FGF14: variants seen among roughly 807,000 people sequenced by gnomAD.
The protein encoded by FGF14 is fibroblast growth factor 14.
In FGF14, 5 loss-of-function variants were observed where a neutral mutation model predicts 25.5. That is an observed-to-expected ratio of 0.20 (90% CI 0.10 to 0.41). FGF14 has a LOEUF of 0.41. FGF14 is among the 10% of genes least tolerant of loss of function. The pLI, the probability that FGF14 is intolerant of heterozygous loss-of-function variation, is 1.00. For synonymous variants in FGF14, 138 were observed against 118.3 expected, an observed-to-expected ratio of 1.17 and a Z score of -1.08; for missense variants, 222 against 320.1, an observed-to-expected ratio of 0.69 and a Z score of 2.34.
intron 3 of FGF14, among the ~76,000 whole-genome samples, chr13:101,846,341 T>C (rs2043459053): frequency 6.6e-6 from 1 of 151,782 alleles, no homozygotes; most frequent in Non-Finnish European, 1.5e-5. Flanking sequence ...TTTATGAAAC[T>C]CAGAAAACCA....
At chr13:102,060,791 G>T (rs1439104502) in intron 1 of FGF14, among the ~76,000 whole-genome samples, 3 of 152,122 alleles carry the variant, frequency 2.0e-5, no homozygotes, top group African/African-American at 7.2e-5. Context: ...CCTAAGTGAG[G>T]ACAAGCACCC....
chr13:102,030,773 C>G (rs2041170159), intron 1 of FGF14, among the ~76,000 whole-genome samples: 1 of 152,058 alleles, frequency 6.6e-6, no homozygotes, highest in Non-Finnish European at 1.5e-5. Context: ...ACAAACCTCC[C>G]TCCAGCTTTC....
intron 1 of FGF14, among the ~76,000 whole-genome samples, chr13:101,958,127 C>T (rs2036621160): frequency 6.6e-6 from 1 of 152,184 alleles, no homozygotes; most frequent in Non-Finnish European, 1.5e-5. Context: ...TGCCTTCCTC[C>T]TACTCAGCTT....
At chr13:101,977,983 A>T (rs1053559966) in intron 1 of FGF14, among the ~76,000 whole-genome samples, 2 of 152,202 alleles carry the variant, frequency 1.3e-5, no homozygotes, top group Admixed American at 6.5e-5. Flanking sequence ...CCAACAGGAA[A>T]GAAAATGCTA....
At chr13:101,934,990 G>T (rs1234850354) in intron 1 of FGF14, among the ~76,000 whole-genome samples, 2 of 152,022 alleles carry the variant, frequency 1.3e-5, no homozygotes, top group African/African-American at 4.8e-5. Context: ...TATTGTATTG[G>T]CTCCTAGAAC....
intron 1 of FGF14, among the ~76,000 whole-genome samples, chr13:102,078,901 C>T (rs2043490112): frequency 1.3e-5 from 2 of 152,174 alleles, no homozygotes; most frequent in African/African-American, 4.8e-5. Flanking sequence ...CAAGGTTGAA[C>T]TCTGAGAAAC....
At chr13:102,120,630 G>T (rs2045676575) in intron 1 of FGF14, among the ~76,000 whole-genome samples, 1 of 152,186 alleles carries the variant, frequency 6.6e-6, no homozygotes, top group South Asian at 2.1e-4. Context: ...CCAAAAAAAT[G>T]GTCCACAACC....
intron 1 of FGF14, among the ~76,000 whole-genome samples, chr13:102,303,413 A>G (rs1432456733): frequency 6.6e-6 from 1 of 152,170 alleles, no homozygotes; most frequent in East Asian, 1.9e-4. Context: ...GGATTTGATC[A>G]TTTTTTTCAG....
At chr13:102,125,960 G>T (rs2045931950) in intron 1 of FGF14, among the ~76,000 whole-genome samples, 1 of 152,222 alleles carries the variant, frequency 6.6e-6, no homozygotes, top group East Asian at 1.9e-4. Flanking sequence ...CTTGCATGGA[G>T]ATTGGATTAT....
intron 3 of FGF14, among the ~76,000 whole-genome samples, chr13:101,828,413 A>G (rs944544071): frequency 6.6e-6 from 1 of 152,068 alleles, no homozygotes; most frequent in Non-Finnish European, 1.5e-5. Context: ...TGACCAAATG[A>G]TAATCATTAA....
At chr13:102,228,068 C>A (rs1438990012) in intron 1 of FGF14, among the ~76,000 whole-genome samples, 2 of 152,136 alleles carry the variant, frequency 1.3e-5, no homozygotes, top group Non-Finnish European at 2.9e-5. Flanking sequence ...CCAACATTTT[C>A]TTTCATGTTT....
chr13:102,293,140 A>C (rs1276430635), intron 1 of FGF14: 1 of 152,030 alleles, frequency 6.6e-6, no homozygotes, highest in African/African-American at 2.4e-5. Context: ...CCCAACTACC[A>C]GGCTCCGTGT....
At chr13:101,727,961 A>T (rs1336282772) in intron 3 of FGF14, among the ~76,000 whole-genome samples, 1 of 152,146 alleles carries the variant, frequency 6.6e-6, no homozygotes, top group African/African-American at 2.4e-5. Flanking sequence ...GAAAATAATA[A>T]TTTTTGGTTT....
chr13:101,735,572 A>G (rs1490564676), intron 3 of FGF14, among the ~76,000 whole-genome samples: 1 of 151,996 alleles, frequency 6.6e-6, no homozygotes, highest in East Asian at 1.9e-4. Flanking sequence ...TCTTCACGCA[A>G]CCTGTATCCA....
In FGF14 at chr13:102,239,041, C is replaced by A. The variant is rs1301825419; in HGVS notation, c.208+162430G>T. Among the ~76,000 whole-genome samples, 3 of 151,356 alleles carry A rather than the reference C, an allele frequency of 2.0e-5. No homozygotes were observed. In the East Asian group the frequency reaches 5.8e-4, roughly 29 times the overall value. ...AACTCAGAGGCAGAACACTTCACTGCAGCTGAGGAAGAGAAAAGTTCAGTA... is the reference window on the plus strand; with the variant it reads ...AACTCAGAGGCAGAACACTTCACTGAAGCTGAGGAAGAGAAAAGTTCAGTA... On this transcript the variant is annotated intron_variant, in intron 1 of 4. Coordinates refer to the FGF14 transcript ENST00000376131.
intron 1 of FGF14, among the ~76,000 whole-genome samples, chr13:102,323,807 T>C (rs567997426): frequency 4.3e-4 from 65 of 152,320 alleles, no homozygotes; most frequent in African/African-American, 1.5e-3. Flanking sequence ...ATTCAGGTTC[T>C]GAGATTAATT....
At chr13:101,809,899 A>G (rs1388107314) in intron 3 of FGF14, among the ~76,000 whole-genome samples, 1 of 152,158 alleles carries the variant, frequency 6.6e-6, no homozygotes, top group African/African-American at 2.4e-5. Context: ...AGACCCCCCA[A>G]GGTCACACAA....
At chr13:101,867,350 G>A (rs1229161125) in intron 3 of FGF14, among the ~76,000 whole-genome samples, 1 of 152,070 alleles carries the variant, frequency 6.6e-6, no homozygotes, top group East Asian at 1.9e-4. Flanking sequence ...TCTCTCAGCA[G>A]CACAAAGATA....
At chr13:101,850,146 T>C (rs2043676357) in intron 3 of FGF14, among the ~76,000 whole-genome samples, 1 of 151,146 alleles carries the variant, frequency 6.6e-6, no homozygotes, top group Non-Finnish European at 1.5e-5. Context: ...AATATTTAAG[T>C]GTTCTGGCCA....
Sources: gnomAD v4.1 joint callset for allele counts (sites outside exome capture counted in the v4.1 genomes callset) on GRCh38, gnomAD v4.1.1 for gene constraint, MANE v1.5 for transcripts, NCBI Gene and HGNC (gene_info 2026-07-23, HGNC 2026-07-21) for gene names.